The following CYC1 variants were observed in gnomAD, a reference collection of about 807,000 sequenced individuals.
The protein encoded by CYC1 is cytochrome c1.
Under a neutral mutation model 33.8 loss-of-function variants are expected in CYC1, and 10 were observed. That is an observed-to-expected ratio of 0.30 (90% CI 0.18 to 0.50). CYC1 has a LOEUF of 0.50. CYC1 is among the 20% of genes least tolerant of loss of function. The pLI is 0.98. For synonymous variants in CYC1, 224 were observed against 181.9 expected (o/e 1.23, Z -1.86); for missense variants, 459 against 437.6 (o/e 1.05, Z -0.44).
At position 144,097,514 on chromosome 8, in the gene CYC1, T is replaced by G. The variant is rs899166192; in HGVS notation, c.*178T>G. Reference sequence around the variant, plus strand: ...GCCCCCATCATGGGAATAAATTAATTTTCTCAATGTACATATTTGAGTTAT... The same window carrying G: ...GCCCCCATCATGGGAATAAATTAATGTTCTCAATGTACATATTTGAGTTAT... On this transcript the variant is annotated 3_prime_UTR_variant, in exon 7 of 7. Coordinates refer to ENST00000318911, the MANE Select transcript of CYC1 (RefSeq NM_001916.5). The G allele has an allele frequency of 1.7e-6, 1 of 595,760 alleles. No individual in the cohort carries two copies. The highest frequency in any genetic ancestry group is 1.9e-5 in the African/African-American group (1 of 53,742). 36.9% of individuals were successfully genotyped at this position (595,760 alleles called of 1,614,324 possible). A position where few individuals can be genotyped will look rare whatever the true frequency, so the allele number is the denominator to read the frequency against.
chr8:144,097,400 G>T lies in CYC1; in HGVS notation c.*64G>T. 7.4e-7 allele frequency: 1 copy of T among 1,355,170 alleles called. No homozygotes were observed. 83.9% of individuals were successfully genotyped at this position (1,355,170 alleles called of 1,614,324 possible). Reference sequence around the variant, plus strand: ...CCCTCAAGCCCAAGAGCCATCCCAGGCCTGTTCAGGCCTCAGCTAAGCCTC... The same window carrying T: ...CCCTCAAGCCCAAGAGCCATCCCAGTCCTGTTCAGGCCTCAGCTAAGCCTC... On this transcript the variant is annotated 3_prime_UTR_variant, in exon 7 of 7. Transcript: ENST00000318911.
rs371923821 is a variant in CYC1, at chr8:144,097,068, T to C, written c.807T>C (p.Asp269=). 2.7e-5 allele frequency: 43 copies of C among 1,610,928 alleles called. No homozygotes were observed. The East Asian group carries it at 5.6e-4, about 21-fold the overall frequency. ...TPATMSQIAK[D]VCTFLRWASE... is the part of the protein sequence containing the mutation. Reference sequence around the variant, plus strand: ...CTACCATGTCCCAGATAGCCAAGGATGTGTGCACCTTCCTGCGCTGGGCAT... The same window carrying C: ...CTACCATGTCCCAGATAGCCAAGGACGTGTGCACCTTCCTGCGCTGGGCAT... The change falls in exon 6 of 7, where the codon GAT becomes GAC. Residue 269 remains aspartate (D), a synonymous_variant. Transcript: ENST00000318911.
Position 144,097,279 on chromosome 8 carries a change from G to A in CYC1, c.921G>A (p.Lys307=). Residue 307 remains lysine (K), a synonymous_variant, in exon 7 of 7, where the codon AAG becomes AAA. Transcript: ENST00000318911. ...TGGTGCCCCTGGTCTACACCATAAAGCGGCACAAGTGGTCAGTCCTGAAGA... is the reference window on the plus strand; with the variant it reads ...TGGTGCCCCTGGTCTACACCATAAAACGGCACAAGTGGTCAGTCCTGAAGA... ...ALLVPLVYTI[K]RHKWSVLKSR... 6.2e-7 allele frequency: 1 copy of A among 1,614,150 alleles called. No individual in the cohort carries two copies.
At chr8:144,096,919 G>A (rs1564311334) in intron 5 of CYC1, 115 bp from the exon 6 acceptor site, 1 of 1,165,120 alleles carries the variant, frequency 8.6e-7, no homozygotes, top group Non-Finnish European at 1.3e-6. Flanking sequence ...GTCCGGTGGA[G>A]GGTACTGCCC....
At position 144,097,141 on chromosome 8, in the gene CYC1, G is replaced by A. The variant is rs200281879; in HGVS notation, c.873+7G>A. The A allele has an allele frequency of 1.7e-3, 2,723 of 1,612,276 alleles. 8 individuals are homozygous for A. The highest frequency in any genetic ancestry group is 1.4e-3 in the Non-Finnish European group (1,670 of 1,178,978). ...AAAACGCATGGGGCTCAAGGTAAAA[G>A]GGTTGGGAGGCCATGGTGGGTATCA... On this transcript the variant is annotated splice_region_variant and intron_variant, in intron 6 of 6. Coordinates refer to ENST00000318911, the MANE Select transcript of CYC1 (RefSeq NM_001916.5).
Position 144,097,056 on chromosome 8 carries a change from G to A in CYC1, c.795G>A (p.Gln265=). Residue 265 remains glutamine, a synonymous_variant, in exon 6 of 7, where the codon CAG becomes CAA. Coordinates refer to ENST00000318911, the MANE Select transcript of CYC1 (RefSeq NM_001916.5). ...FDDGTPATMS[Q]IAKDVCTFLR... ...CAGGCACCCCAGCTACCATGTCCCAGATAGCCAAGGATGTGTGCACCTTCC... is the reference window on the plus strand; with the variant it reads ...CAGGCACCCCAGCTACCATGTCCCAAATAGCCAAGGATGTGTGCACCTTCC... 1 of 1,609,700 alleles carries A rather than the reference G, an allele frequency of 6.2e-7. No individual in the cohort carries two copies. The highest frequency in any genetic ancestry group is 8.5e-7 in the Non-Finnish European group (1 of 1,177,742).
chr8:144,097,012 C>T, intron 5 of CYC1, 22 bp from the exon 6 acceptor site: 1 of 1,581,404 alleles, frequency 6.3e-7, no homozygotes, highest in Non-Finnish European at 8.6e-7. Context: ...GAGAATAGCC[C>T]TCACTGCTTG....
intron 1 of CYC1, chr8:144,095,540 C>T: frequency 2.0e-6 from 1 of 492,444 alleles, no homozygotes; most frequent in Non-Finnish European, 3.5e-6. Context: ...GGCCCGCGTC[C>T]TGAAGTGACC....
intron 1 of CYC1, 29 bp from the exon 2 acceptor site, chr8:144,095,804 C>G (rs781390871): frequency 2.5e-6 from 4 of 1,598,100 alleles, no homozygotes; most frequent in South Asian, 1.1e-5. Context: ...GGGTGGTGTC[C>G]TGGCAGGCGC....
intron 1 of CYC1, 110 bp from the exon 2 acceptor site, chr8:144,095,723 G>C: frequency 8.7e-7 from 1 of 1,149,418 alleles, no homozygotes; most frequent in African/African-American, 1.5e-5. Flanking sequence ...GTGTGCGTCT[G>C]GTGCCCTGCA....
chr8:144,096,834 T>A, intron 5 of CYC1, 90 bp downstream of exon 5: 2 of 1,454,928 alleles, frequency 1.4e-6, no homozygotes, highest in Non-Finnish European at 9.4e-7. Flanking sequence ...GTCCAGGAGG[T>A]CCTGCCCACT....
Position 144,097,083 on chromosome 8 carries a change from G to A in CYC1, c.822G>A (p.Leu274=), listed in dbSNP as rs746744231. The A allele has an allele frequency of 2.5e-6, 4 of 1,611,766 alleles. No homozygotes were observed. The highest frequency in any genetic ancestry group is 3.4e-6 in the Non-Finnish European group (4 of 1,178,906). The part of the protein sequence containing the change: ...SQIAKDVCTF[L]RWASEPEHDH... ...TAGCCAAGGATGTGTGCACCTTCCT[G>A]CGCTGGGCATCTGAGCCAGAGCACG... Residue 274 remains leucine, a synonymous_variant, in exon 6 of 7, where the codon CTG becomes CTA. Transcript: ENST00000318911.
Position 144,096,148 on chromosome 8 carries a change from T to A in CYC1, c.351T>A (p.Tyr117Ter), listed in dbSNP as rs1164397337. Residue 117 changes from tyrosine to a stop codon, truncating the protein, a stop_gained, in exon 3 of 7, where the codon TAT becomes TAA. Coordinates refer to ENST00000318911, the MANE Select transcript of CYC1 (RefSeq NM_001916.5). LOFTEE classifies it high-confidence loss of function. ...HTSIRRGFQV[Y>*]KQVCASCHSM... ...GCATCCGGAGGGGTTTCCAGGTATA[T>A]AAGCAGGTGTGCGCCTCCTGCCACA... 6.2e-7 allele frequency: 1 copy of A among 1,613,702 alleles called. No homozygotes were observed.
chr8:144,097,239 T>C lies in CYC1; in HGVS notation c.881T>C (p.Met294Thr). The C allele has an allele frequency of 1.9e-6, 3 of 1,614,170 alleles. No individual in the cohort carries two copies. Among genetic ancestry groups the C allele is most frequent in the Non-Finnish European group, 2.5e-6 (3 of 1,180,000 alleles). The change falls in exon 7 of 7, where the codon ATG becomes ACG. Residue 294 changes from methionine (M) to threonine (T), a missense_variant. Physicochemically the swap from Met to Thr is moderately conservative, Grantham distance 81. Transcript: ENST00000318911. ...AGCCTTCCTTGTCTGCAGATGTTGA[T>C]GATGATGGCTCTGCTGGTGCCCCTG... ...HRKRMGLKML[M>T]MMALLVPLVY...
At position 144,096,612 on chromosome 8, in the gene CYC1, C is replaced by G. The variant is rs769624675; in HGVS notation, c.640C>G (p.Leu214Val). 5 of 1,614,018 alleles carry G rather than the reference C, an allele frequency of 3.1e-6. No individual in the cohort carries two copies. The highest frequency in any genetic ancestry group is 4.2e-6 in the Non-Finnish European group (5 of 1,179,992). ...RHGGEDYVFS[L>V]LTGYCEPPTG... ...TGGTGGTGAGGACTACGTCTTCTCC[C>G]TGCTCACGGGCTACTGCGAGCCACC... The change falls in exon 5 of 7, where the codon CTG (leucine) becomes GTG (valine). Residue 214 changes from leucine to valine, a missense_variant. Leu to Val is a conservative substitution (Grantham distance 32). Coordinates refer to ENST00000318911, the MANE Select transcript of CYC1 (RefSeq NM_001916.5).
intron 1 of CYC1, chr8:144,095,546 T>G (rs1252326181): frequency 6.1e-6 from 3 of 495,676 alleles, no homozygotes; most frequent in Non-Finnish European, 1.1e-5. Flanking sequence ...CGTCCTGAAG[T>G]GACCCCAGCC....
At chr8:144,096,056 G>C (rs1194728181) in intron 2 of CYC1, 27 bp downstream of exon 2, 1 of 1,600,542 alleles carries the variant, frequency 6.2e-7, no homozygotes, top group East Asian at 2.2e-5. Flanking sequence ...CTGGCTGGCA[G>C]CGGGAGGTTC....
At position 144,096,510 on chromosome 8, in the gene CYC1, A is replaced by G. The variant is rs763762362; in HGVS notation, c.611+16A>G. The G allele has an allele frequency of 3.1e-6, 5 of 1,614,062 alleles. No individual in the cohort carries two copies. Among genetic ancestry groups the G allele is most frequent in the South Asian group, 1.1e-5 (1 of 91,072 alleles). On this transcript the variant is annotated intron_variant, in intron 4 of 6. Transcript: ENST00000318911. ...TGCGAGCTAGGTACACGGGCTGCCC[A>G]TGGGGTGGTGCTGGAGAGATGGGGG...
At position 144,096,688 on chromosome 8, in the gene CYC1, G is replaced by A; in HGVS notation, c.716G>A (p.Gly239Asp). 1 of 1,612,894 alleles carries A rather than the reference G, an allele frequency of 6.2e-7. No homozygotes were observed. The change falls in exon 5 of 7, where the codon GGC becomes GAC. Residue 239 changes from glycine (G) to aspartate (D), a missense_variant. Gly to Asp is a moderately conservative substitution (Grantham distance 94). Transcript: ENST00000318911. ...EGLYFNPYFPGQAIAMAPPIY... is the reference protein window; with the variant it reads ...EGLYFNPYFPDQAIAMAPPIY... Reference sequence around the variant, plus strand: ...CTCTACTTCAACCCCTACTTTCCTGGCCAGGCCATTGCCATGGCCCCTCCC... The same window carrying A: ...CTCTACTTCAACCCCTACTTTCCTGACCAGGCCATTGCCATGGCCCCTCCC...
Sources: gnomAD v4.1 joint callset for allele counts on GRCh38, gnomAD v4.1.1 for gene constraint, MANE v1.5 for transcripts, NCBI Gene and HGNC (gene_info 2026-07-23, HGNC 2026-07-21) for gene names.